The following AP1S3 variants were observed in gnomAD, a reference collection of about 807,000 sequenced individuals.
AP1S3 encodes the protein AP-1 complex subunit sigma-3.
AP1S3 carries 10 observed loss-of-function variants against 20.9 expected under a neutral mutation model. The observed-to-expected ratio is 0.48, with a 90% CI of 0.29 to 0.81. The LOEUF is 0.81. Among genes scored for constraint, AP1S3 ranks in the 30% least tolerant of loss-of-function variants. The pLI is 0.08. For synonymous variants in AP1S3, 41 were observed against 61.5 expected (o/e 0.67, Z 1.56); for missense variants, 154 against 183.8 (o/e 0.84, Z 0.94).
At chr2:223,775,512 T>C (rs914161571) in intron 3 of AP1S3, among the ~76,000 whole-genome samples, 6 of 152,130 alleles carry the variant, frequency 3.9e-5, no homozygotes, top group African/African-American at 1.4e-4. Context: ...TCTGGTGTAT[T>C]TGTGGTATGA....
rs754403690 is a variant in AP1S3 at position 223,837,431 on chromosome 2, G to A, written c.3+17C>T. On this transcript the variant is annotated intron_variant, in intron 1 of 4. Coordinates refer to ENST00000396654, the MANE Select transcript of AP1S3 (RefSeq NM_001039569.2). ...GCCCCCACCGCCTACCCGGGCCGGCGGTTCCCCCGCACTCACCATCGTGGC... is the reference window on the plus strand; with the variant it reads ...GCCCCCACCGCCTACCCGGGCCGGCAGTTCCCCCGCACTCACCATCGTGGC... 8.1e-7 allele frequency: 1 copy of A among 1,232,752 alleles called. No individual in the cohort carries two copies. Among genetic ancestry groups the A allele is most frequent in the Non-Finnish European group, 1.0e-6 (1 of 982,484 alleles). The allele number at this position is 1,232,752 out of a possible 1,614,324, so 76.4% of individuals were successfully genotyped here. A position where few individuals can be genotyped will look rare whatever the true frequency, so the allele number is the denominator to read the frequency against.
In AP1S3 at chr2:223,756,987, T is replaced by C. The variant is rs965925977; in HGVS notation, c.*1728A>G. ...CAGAATACTACAAGCTTTTACTTTT[T>C]CTTTTTTTTTTTTTTTTTCTTGAGA... On this transcript the variant is annotated 3_prime_UTR_variant, in exon 5 of 5. Transcript: ENST00000396654. The C allele has an allele frequency of 1.3e-5, 13 of 981,950 alleles. No individual in the cohort carries two copies. In the East Asian group the frequency reaches 4.6e-4, roughly 35 times the overall value. 60.8% of individuals were successfully genotyped at this position (981,950 alleles called of 1,614,324 possible). A position where few individuals can be genotyped will look rare whatever the true frequency, so the allele number is the denominator to read the frequency against.
intron 1 of AP1S3, among the ~76,000 whole-genome samples, chr2:223,787,665 G>A (rs1691108310): frequency 6.6e-6 from 1 of 152,188 alleles, no homozygotes. Context: ...GAGAGTGGTT[G>A]AAAGTCTCCC....
intron 1 of AP1S3, among the ~76,000 whole-genome samples, chr2:223,804,132 T>C (rs1479978783): frequency 1.3e-5 from 2 of 152,132 alleles, no homozygotes; most frequent in Non-Finnish European, 2.9e-5. Context: ...AAGCTAGACA[T>C]GTGAACCTCC....
At chr2:223,768,073 T>A (rs1690523514) in intron 3 of AP1S3, among the ~76,000 whole-genome samples, 2 of 152,198 alleles carry the variant, frequency 1.3e-5, no homozygotes, top group Admixed American at 1.3e-4. Context: ...GCTGATCTTG[T>A]GCCTCTCCAG....
intron 1 of AP1S3, among the ~76,000 whole-genome samples, chr2:223,827,419 G>T (rs1020630757): frequency 3.3e-5 from 5 of 152,078 alleles, no homozygotes; most frequent in African/African-American, 1.2e-4. Context: ...GTCTCACTTT[G>T]TCGCCCAGGT....
At chr2:223,827,987 A>G (rs1370263088) in intron 1 of AP1S3, among the ~76,000 whole-genome samples, 2 of 142,596 alleles carry the variant, frequency 1.4e-5, no homozygotes, top group African/African-American at 5.1e-5. Flanking sequence ...TGAACCCAGG[A>G]GGTAGAGGTT....
At chr2:223,827,009 T>C (rs899019755) in intron 1 of AP1S3, among the ~76,000 whole-genome samples, 4 of 133,966 alleles carry the variant, frequency 3.0e-5, no homozygotes, top group African/African-American at 1.1e-4. Context: ...ACAAGCAAAA[T>C]TTTGTAAGAG....
intron 1 of AP1S3, among the ~76,000 whole-genome samples, chr2:223,836,495 T>C (rs1692397164): frequency 6.6e-6 from 1 of 152,102 alleles, no homozygotes; most frequent in African/African-American, 2.4e-5. Context: ...ATCCCTACAC[T>C]TTGGGAGGCC....
chr2:223,827,476 A>G (rs1380429957), intron 1 of AP1S3, among the ~76,000 whole-genome samples: 1 of 152,016 alleles, frequency 6.6e-6, no homozygotes, highest in Non-Finnish European at 1.5e-5. Context: ...TCCACCTCCT[A>G]GGTTCAAGCT....
intron 1 of AP1S3, among the ~76,000 whole-genome samples, chr2:223,791,299 A>G (rs571091110): frequency 6.6e-6 from 1 of 152,324 alleles, no homozygotes; most frequent in Admixed American, 6.5e-5. Context: ...ATACTGGTGA[A>G]CCAAATCCAG....
intron 1 of AP1S3, among the ~76,000 whole-genome samples, chr2:223,783,947 G>A (rs971277089): frequency 6.6e-6 from 1 of 152,080 alleles, no homozygotes; most frequent in Non-Finnish European, 1.5e-5. Flanking sequence ...AACCCGACAG[G>A]CCCTCCTCCG....
Position 223,775,930 on chromosome 2 carries a change from C to G in AP1S3, c.262G>C (p.Val88Leu), listed in dbSNP as rs373837062. 1.1e-5 allele frequency: 17 copies of G among 1,614,116 alleles called. No individual in the cohort carries two copies. In the South Asian group the frequency reaches 1.8e-4, roughly 17 times the overall value. Residue 88 changes from valine (V) to leucine (L), a missense_variant, in exon 3 of 5, where the codon GTG becomes CTG. Physicochemically the swap from Val to Leu is conservative, Grantham distance 32. Transcript: ENST00000396654. ...CCAAAATATTTGTCCAGCAGCTCCA[C>G]GTAACGATGCACAATCTCTAGCGTC... ...LLTLEIVHRY[V>L]ELLDKYFGNV...
In AP1S3 at chr2:223,757,961, A is replaced by T; in HGVS notation, c.*754T>A. Reference sequence around the variant, plus strand: ...TTTAGAATAATAAAGGAAGTCATAGATGCTGTATCTCTAGGTCTCTATAAA... The same window carrying T: ...TTTAGAATAATAAAGGAAGTCATAGTTGCTGTATCTCTAGGTCTCTATAAA... On this transcript the variant is annotated 3_prime_UTR_variant, in exon 5 of 5. Transcript: ENST00000396654. 1 of 964,896 alleles carries T rather than the reference A, an allele frequency of 1.0e-6. No homozygotes were observed. The allele number at this position is 964,896 out of a possible 1,614,324, so 59.8% of individuals were successfully genotyped here. A position where few individuals can be genotyped will look rare whatever the true frequency, so the allele number is the denominator to read the frequency against.
At chr2:223,801,909 G>A (rs1256102785) in intron 1 of AP1S3, among the ~76,000 whole-genome samples, 1 of 152,228 alleles carries the variant, frequency 6.6e-6, no homozygotes, top group Non-Finnish European at 1.5e-5. Context: ...GAGTCATTCT[G>A]TGTCACTAGT....
intron 3 of AP1S3, chr2:223,770,160 A>C (rs1419941665): frequency 6.5e-7 from 1 of 1,546,194 alleles, no homozygotes; most frequent in East Asian, 2.4e-5. Flanking sequence ...TTAGACATCC[A>C]TGTACATGAA....
At chr2:223,763,430 G>A (rs745657817) in intron 4 of AP1S3, among the ~76,000 whole-genome samples, 7 of 152,252 alleles carry the variant, frequency 4.6e-5, no homozygotes, top group Non-Finnish European at 8.8e-5. Flanking sequence ...CAAAGACTCC[G>A]TTAAAAACTC....
chr2:223,767,222 C>T (rs1462425741), intron 3 of AP1S3, among the ~76,000 whole-genome samples: 3 of 152,056 alleles, frequency 2.0e-5, no homozygotes, highest in Non-Finnish European at 4.4e-5. Flanking sequence ...AAGAAAGTCT[C>T]CAGACCTCCC....
intron 1 of AP1S3, among the ~76,000 whole-genome samples, chr2:223,783,986 C>T (rs1461111551): frequency 6.6e-6 from 1 of 152,154 alleles, no homozygotes; most frequent in Non-Finnish European, 1.5e-5. Context: ...CATCCCTTAA[C>T]GCCACTGCTC....
Sources: allele counts gnomAD v4.1 joint callset (sites outside exome capture counted in the v4.1 genomes callset), GRCh38; gene constraint gnomAD v4.1.1; transcripts MANE v1.5; gene names NCBI Gene and HGNC (gene_info 2026-07-23, HGNC 2026-07-21).